CRISPLD2: variants seen among roughly 807,000 people sequenced by gnomAD.
CRISPLD2 encodes the protein cysteine-rich secretory protein LCCL domain-containing 2.
Under a neutral mutation model 71.1 loss-of-function variants are expected in CRISPLD2, and 47 were observed. The observed-to-expected ratio is 0.66, with a 90% CI of 0.52 to 0.84. CRISPLD2 has a LOEUF of 0.84. CRISPLD2 is among the 40% of genes least tolerant of loss of function. CRISPLD2 has a pLI of 0.00. For synonymous variants in CRISPLD2, 317 were observed against 250.1 expected (o/e 1.27, Z -2.52); for missense variants, 830 against 651.1 (o/e 1.27, Z -2.99).
At chr16:84,889,711 C>G (rs975775603) in intron 14 of CRISPLD2, among the ~76,000 whole-genome samples, 6 of 150,288 alleles carry the variant, frequency 4.0e-5, no homozygotes, top group Admixed American at 1.3e-4. Flanking sequence ...GGAGAATTTA[C>G]TGTTAGATTT....
chr16:84,903,597 TTA>T (rs1491550438), intron 14 of CRISPLD2, among the ~76,000 whole-genome samples: 8 of 134,194 alleles, frequency 6.0e-5, no homozygotes, highest in South Asian at 4.5e-4. Flanking sequence ...GTCTTAAAAT[TTA>T]AAAAAAAAAA....
chr16:84,899,815 G>A (rs1408590447), intron 14 of CRISPLD2, among the ~76,000 whole-genome samples: 1 of 152,132 alleles, frequency 6.6e-6, no homozygotes, highest in Non-Finnish European at 1.5e-5. Context: ...GGGGCCCTGA[G>A]AACATGAGAA....
intron 6 of CRISPLD2, among the ~76,000 whole-genome samples, chr16:84,857,996 C>A (rs1917287042): frequency 6.6e-6 from 1 of 152,152 alleles, no homozygotes; most frequent in African/African-American, 2.4e-5. Flanking sequence ...ACTTGATGAC[C>A]CATAGTCAAA....
intron 2 of CRISPLD2, among the ~76,000 whole-genome samples, chr16:84,840,184 T>C (rs540117652): frequency 6.6e-6 from 1 of 152,312 alleles, no homozygotes; most frequent in African/African-American, 2.4e-5. Flanking sequence ...GTCACGTTCC[T>C]TTGCCACAGG....
At position 84,893,531 on chromosome 16, in the gene CRISPLD2, A is replaced by C. The variant is rs528478044; in HGVS notation, c.1439+4168A>C. 2.0e-5 allele frequency among the ~76,000 whole-genome samples: 3 copies of C among 152,330 alleles called. No homozygotes were observed. In the South Asian group the frequency reaches 6.2e-4, roughly 32 times the overall value. On this transcript the variant is annotated intron_variant, in intron 14 of 14. Coordinates refer to ENST00000262424, the MANE Select transcript of CRISPLD2 (RefSeq NM_031476.4). ...CGATGTCCCTGGCACCCAGGATCCC[A>C]CAGGGAGCACAACAGCAGACCTCTG...
At chr16:84,901,218 T>G (rs2071751077) in intron 14 of CRISPLD2, among the ~76,000 whole-genome samples, 1 of 151,720 alleles carries the variant, frequency 6.6e-6, no homozygotes, top group Non-Finnish European at 1.5e-5. Context: ...AAGTGCAGAG[T>G]GGTATGTCTA....
rs759279809 is a variant in CRISPLD2 at position 84,838,677 on chromosome 16, T to C, written c.182T>C (p.Met61Thr). The C allele has an allele frequency of 6.2e-7, 1 of 1,614,108 alleles. No homozygotes were observed. The change falls in exon 2 of 15, where the codon ATG (methionine) becomes ACG (threonine). Residue 61 changes from methionine to threonine, a missense_variant. Physicochemically the swap from Met to Thr is moderately conservative, Grantham distance 81. Transcript: ENST00000262424. The part of the protein sequence containing the change: ...IPREDKEEIL[M>T]LHNKLRGQVQ... Reference sequence around the variant, plus strand: ...AGGGAGGACAAGGAGGAGATCCTCATGCTGCACAACAAGCTTCGGGGCCAG... The same window carrying C: ...AGGGAGGACAAGGAGGAGATCCTCACGCTGCACAACAAGCTTCGGGGCCAG...
intron 1 of CRISPLD2, among the ~76,000 whole-genome samples, chr16:84,835,667 C>T (rs117593094): frequency 1.6e-3 from 239 of 152,338 alleles, no homozygotes; most frequent in Admixed American, 5.1e-3. Flanking sequence ...CTTCTGTTGT[C>T]TTCCAATGTG....
chr16:84,902,953 A>G (rs2071768753), intron 14 of CRISPLD2, among the ~76,000 whole-genome samples: 1 of 151,456 alleles, frequency 6.6e-6, no homozygotes, highest in Non-Finnish European at 1.5e-5. Flanking sequence ...TTGTATTTTT[A>G]GTAGGGGTTT....
intron 14 of CRISPLD2, among the ~76,000 whole-genome samples, chr16:84,891,927 C>T (rs2071666626): frequency 6.6e-6 from 1 of 152,242 alleles, no homozygotes; most frequent in Non-Finnish European, 1.5e-5. Context: ...CCCTCCCAAG[C>T]ACACATGTCA....
At chr16:84,859,646 A>C (rs1411373010) in intron 6 of CRISPLD2, among the ~76,000 whole-genome samples, 2 of 152,142 alleles carry the variant, frequency 1.3e-5, no homozygotes, top group Admixed American at 6.5e-5. Flanking sequence ...TTGTCCACTC[A>C]ATCTGGAAGT....
intron 3 of CRISPLD2, among the ~76,000 whole-genome samples, chr16:84,847,478 C>T (rs1006400252): frequency 2.0e-5 from 3 of 152,032 alleles, no homozygotes; most frequent in Non-Finnish European, 2.9e-5. Context: ...AGTGAAACCC[C>T]GTCTCTACTA....
At chr16:84,864,850 G>C (rs951904541) in intron 6 of CRISPLD2, among the ~76,000 whole-genome samples, 1 of 152,196 alleles carries the variant, frequency 6.6e-6, no homozygotes, top group Non-Finnish European at 1.5e-5. Flanking sequence ...TGACCCGTGA[G>C]CACATCCAAG....
At chr16:84,868,431 C>T (rs895398820) in intron 7 of CRISPLD2, among the ~76,000 whole-genome samples, 1 of 152,116 alleles carries the variant, frequency 6.6e-6, no homozygotes. Context: ...GGGTCTCCGG[C>T]CCCACAGGCT....
chr16:84,825,736 C>T (rs1916335643), intron 1 of CRISPLD2, among the ~76,000 whole-genome samples: 1 of 151,774 alleles, frequency 6.6e-6, no homozygotes, highest in South Asian at 2.1e-4. Flanking sequence ...GCCTGGGTGA[C>T]AGAGCGAGAC....
chr16:84,856,343 C>G (rs1917240807), intron 6 of CRISPLD2, among the ~76,000 whole-genome samples: 1 of 152,218 alleles, frequency 6.6e-6, no homozygotes, highest in Admixed American at 6.5e-5. Flanking sequence ...CCATGTCACT[C>G]ACCCCAGCCA....
chr16:84,893,336 C>T (rs1012864650), intron 14 of CRISPLD2, among the ~76,000 whole-genome samples: 1 of 152,178 alleles, frequency 6.6e-6, no homozygotes, highest in African/African-American at 2.4e-5. Context: ...TCAAAAGATG[C>T]CATGGTTCTT....
intron 14 of CRISPLD2, among the ~76,000 whole-genome samples, chr16:84,890,807 A>G (rs1029627308): frequency 3.3e-5 from 5 of 152,294 alleles, no homozygotes; most frequent in African/African-American, 1.2e-4. Flanking sequence ...AAAAAAAGAA[A>G]AAAAGACCAA....
At chr16:84,900,093 C>T (rs1407012551) in intron 14 of CRISPLD2, among the ~76,000 whole-genome samples, 2 of 152,142 alleles carry the variant, frequency 1.3e-5, no homozygotes, top group Admixed American at 1.3e-4. Flanking sequence ...ACTCTTTCTC[C>T]TCCTCTTGGT....
Sources: gnomAD v4.1 joint callset for allele counts (sites outside exome capture counted in the v4.1 genomes callset) on GRCh38, gnomAD v4.1.1 for gene constraint, MANE v1.5 for transcripts, NCBI Gene and HGNC (gene_info 2026-07-23, HGNC 2026-07-21) for gene names.